SRGAP1: variants seen among roughly 807,000 people sequenced by gnomAD.
SRGAP1 encodes the protein SLIT-ROBO Rho GTPase-activating protein 1.
Under a neutral mutation model 121.9 loss-of-function variants are expected in SRGAP1, and 43 were observed. The ratio of observed to expected loss-of-function variants is 0.35; its 90% confidence interval spans 0.28 to 0.46. The LOEUF is 0.46. SRGAP1 is among the 20% of genes least tolerant of loss of function. The probability of loss-of-function intolerance (pLI) is 1.00; values close to 1 mark genes in which losing one functional copy is unlikely to be tolerated. For synonymous variants in SRGAP1, 447 were observed against 485.4 expected, an observed-to-expected ratio of 0.92 and a Z score of 1.04; for missense variants, 1,102 against 1,350.9, an observed-to-expected ratio of 0.82 and a Z score of 2.89.
intron 11 of SRGAP1, among the ~76,000 whole-genome samples, chr12:64,089,793 C>G (rs73130167): frequency 1.3e-5 from 2 of 152,264 alleles, no homozygotes; most frequent in Admixed American, 1.3e-4. Context: ...TGCTGTGCAC[C>G]TTGTTCATCA....
chr12:64,088,919 A>G (rs1016799814), intron 11 of SRGAP1, among the ~76,000 whole-genome samples: 1 of 152,346 alleles, frequency 6.6e-6, no homozygotes, highest in Admixed American at 6.5e-5. Context: ...ACAAAATTCT[A>G]ATCTGCTTAG....
chr12:64,072,108 C>CTGTGTGTGTGTGTG (rs66959510), intron 8 of SRGAP1, among the ~76,000 whole-genome samples: 5,163 of 80,302 alleles, frequency 0.064, 426 homozygotes, highest in Non-Finnish European at 0.086. Context: ...CAATCTCTCT[C>CTGTGTGTGTGTGTG]TGTGTGTGTG....
At position 63,937,492 on chromosome 12, in the gene SRGAP1, A is replaced by G. The variant is rs1290647284; in HGVS notation, c.68-46455A>G. Reference sequence around the variant, plus strand: ...TGCAAATGAAATGTAGTAGTATTCTATGAATTACTTAGTTCAAATGTGACT... The same window carrying G: ...TGCAAATGAAATGTAGTAGTATTCTGTGAATTACTTAGTTCAAATGTGACT... On this transcript the variant is annotated intron_variant, in intron 1 of 21. Transcript: ENST00000355086. Among the ~76,000 whole-genome samples the G allele has an allele frequency of 3.9e-5, 6 of 152,222 alleles. No homozygotes were observed. The East Asian group carries it at 1.2e-3, about 29-fold the overall frequency.
intron 2 of SRGAP1, among the ~76,000 whole-genome samples, chr12:63,987,170 C>T (rs2033441128): frequency 6.6e-6 from 1 of 152,190 alleles, no homozygotes; most frequent in Non-Finnish European, 1.5e-5. Flanking sequence ...TATTCCTTCT[C>T]CTTTTAACCA....
intron 8 of SRGAP1, among the ~76,000 whole-genome samples, chr12:64,067,721 T>C (rs1218310249): frequency 6.6e-6 from 1 of 152,160 alleles, no homozygotes; most frequent in Non-Finnish European, 1.5e-5. Flanking sequence ...AGTTTGGTTA[T>C]CACCCCAGTT....
At chr12:63,890,258 A>G (rs905938968) in intron 1 of SRGAP1, among the ~76,000 whole-genome samples, 8 of 152,216 alleles carry the variant, frequency 5.3e-5, no homozygotes, top group Non-Finnish European at 1.2e-4. Flanking sequence ...AGCCACGCTT[A>G]TACTTTAGAA....
At chr12:63,900,204 C>CTTTTTTTTTTT (rs67622101) in intron 1 of SRGAP1, among the ~76,000 whole-genome samples, 1 of 87,524 alleles carries the variant, frequency 1.1e-5, no homozygotes, top group Non-Finnish European at 2.3e-5. Context: ...TTTTCTTTTT[C>CTTTTTTTTTTT]TTTTTTTTTT....
At chr12:64,138,724 G>A (rs1250736673) in intron 21 of SRGAP1, among the ~76,000 whole-genome samples, 1 of 151,870 alleles carries the variant, frequency 6.6e-6, no homozygotes, top group African/African-American at 2.4e-5. Flanking sequence ...ACAATTAAAT[G>A]TATTTCAATT....
intron 21 of SRGAP1, among the ~76,000 whole-genome samples, chr12:64,130,817 ATT>A (rs1362495324): frequency 2.0e-5 from 3 of 152,222 alleles, no homozygotes; most frequent in Non-Finnish European, 4.4e-5. Flanking sequence ...TGGCAGAAGC[ATT>A]GTGTGCAGGA....
rs538666826 is a variant in SRGAP1 at position 64,127,164 on chromosome 12, A to G, written c.2406-426A>G. 2.6e-5 allele frequency among the ~76,000 whole-genome samples: 4 copies of G among 152,316 alleles called. No homozygotes were observed. The South Asian group carries it at 8.3e-4, about 32-fold the overall frequency. On this transcript the variant is annotated intron_variant, in intron 19 of 21. Coordinates refer to ENST00000355086, the MANE Select transcript of SRGAP1 (RefSeq NM_020762.4). ...TGTAAGTGCACTCTATGATGTTCCC[A>G]CAATGATGAGATTGCTTGACAACGC...
At position 64,150,934 on chromosome 12, in the gene SRGAP1, C is replaced by CAAAAA. The variant is rs750351170; in HGVS notation, c.*8284_*8288dup. 8 of 24,716 alleles carry CAAAAA rather than the reference C, an allele frequency of 3.2e-4. 1 individual carries two copies. In the South Asian group the frequency reaches 0.013, roughly 40 times the overall value. The allele number at this position is 24,716 out of a possible 1,614,324, so 1.5% of individuals were successfully genotyped here. A position where few individuals can be genotyped will look rare whatever the true frequency, so the allele number is the denominator to read the frequency against. ...TGGGTGGAAGAGTGAGAAGCTATCTCAAAAAAAAAAAAAAAAAAAAAAAAA... is the reference window on the plus strand; with the variant it reads ...TGGGTGGAAGAGTGAGAAGCTATCTCAAAAAAAAAAAAAAAAAAAAAAAAAAAAAA... On this transcript the variant is annotated 3_prime_UTR_variant, in exon 22 of 22. Coordinates refer to ENST00000355086, the MANE Select transcript of SRGAP1 (RefSeq NM_020762.4).
At chr12:63,950,682 T>G (rs1300835807) in intron 1 of SRGAP1, among the ~76,000 whole-genome samples, 1 of 152,158 alleles carries the variant, frequency 6.6e-6, no homozygotes, top group Non-Finnish European at 1.5e-5. Context: ...ACCAAAGTCT[T>G]TGAGTTTTCA....
In SRGAP1 at chr12:64,044,674, C is replaced by CTTTTTTTT. The variant is rs558248193; in HGVS notation, c.801+1117_801+1124dup. 6.7e-4 allele frequency among the ~76,000 whole-genome samples: 48 copies of CTTTTTTTT among 72,118 alleles called. 1 individual carries two copies. Among genetic ancestry groups the CTTTTTTTT allele is most frequent in the African/African-American group, 1.8e-3 (40 of 21,752 alleles). 47.3% of individuals were successfully genotyped at this position (72,118 alleles called of 152,430 possible). A position where few individuals can be genotyped will look rare whatever the true frequency, so the allele number is the denominator to read the frequency against. On this transcript the variant is annotated intron_variant, in intron 6 of 21. Coordinates refer to ENST00000355086, the MANE Select transcript of SRGAP1 (RefSeq NM_020762.4). ...AGCTTATTAACACTCTGATGTGCCT[C>CTTTTTTTT]TTTTTTTTTTTTTTTTTTTTTTTTT...
chr12:64,057,715 TCAAA>T lies in SRGAP1; in HGVS notation c.802-5199_802-5196del, dbSNP rs570956439. On this transcript the variant is annotated intron_variant, in intron 6 of 21. Coordinates refer to ENST00000355086, the MANE Select transcript of SRGAP1 (RefSeq NM_020762.4). ...CAGGACATGAGATCACAGAAGTCTC[TCAAA>T]CAGAGACCAGAGTATAGAAATGAAG... Among the ~76,000 whole-genome samples, 577 of 152,218 alleles carry T rather than the reference TCAAA, an allele frequency of 3.8e-3. 3 individuals carry two copies. Among genetic ancestry groups the T allele is most frequent in the Non-Finnish European group, 5.2e-3 (357 of 68,014 alleles).
chr12:64,049,214 T>C (rs757830088), intron 6 of SRGAP1, among the ~76,000 whole-genome samples: 14 of 152,226 alleles, frequency 9.2e-5, no homozygotes, highest in Non-Finnish European at 1.8e-4. Context: ...TTCATTCTTC[T>C]GCATACGGGT....
At chr12:64,051,556 C>A (rs2035239807) in intron 6 of SRGAP1, among the ~76,000 whole-genome samples, 1 of 152,148 alleles carries the variant, frequency 6.6e-6, no homozygotes, top group Non-Finnish European at 1.5e-5. Flanking sequence ...ACATATGTGT[C>A]ATTGACACTG....
intron 3 of SRGAP1, among the ~76,000 whole-genome samples, chr12:64,002,615 C>A (rs886971143): frequency 6.6e-6 from 1 of 152,158 alleles, no homozygotes; most frequent in Non-Finnish European, 1.5e-5. Flanking sequence ...TAATCCTAGA[C>A]AGAAACCTAC....
intron 1 of SRGAP1, among the ~76,000 whole-genome samples, chr12:63,903,978 A>G (rs907293528): frequency 1.3e-5 from 2 of 152,136 alleles, no homozygotes; most frequent in Admixed American, 6.6e-5. Context: ...TGAATATTTT[A>G]TATACTATAT....
chr12:64,063,860 A>T (rs534579548), intron 7 of SRGAP1, among the ~76,000 whole-genome samples: 1 of 152,172 alleles, frequency 6.6e-6, no homozygotes, highest in East Asian at 1.9e-4. Context: ...TTATAAGATC[A>T]TGAAAAGATT....
Sources: allele counts gnomAD v4.1 joint callset (sites outside exome capture counted in the v4.1 genomes callset), GRCh38; gene constraint gnomAD v4.1.1; transcripts MANE v1.5; gene names NCBI Gene and HGNC (gene_info 2026-07-23, HGNC 2026-07-21).